SPICE1: variants seen among roughly 807,000 people sequenced by gnomAD.
SPICE1 encodes spindle and centriole associated protein 1.
A neutral mutation model predicts 102.7 loss-of-function variants in SPICE1; 75 were observed. That is an observed-to-expected ratio of 0.73 (90% confidence interval 0.61 to 0.88). The LOEUF (loss-of-function observed/expected upper bound fraction) is 0.88. SPICE1 is among the 40% of genes least tolerant of loss of function. The pLI is 0.00. For synonymous variants in SPICE1, 308 were observed against 350.3 expected, an observed-to-expected ratio of 0.88 and a Z score of 1.35; for missense variants, 979 against 1,020.1, an observed-to-expected ratio of 0.96 and a Z score of 0.55.
chr3:113,503,817 C>T (rs1489844387), intron 2 of SPICE1, among the ~76,000 whole-genome samples: 1 of 151,764 alleles, frequency 6.6e-6, no homozygotes, highest in Non-Finnish European at 1.5e-5. Flanking sequence ...CCTGTAATTC[C>T]AGCTACTCAG....
At chr3:113,452,910 AGAGGTT>A (rs1242165890) in intron 14 of SPICE1, among the ~76,000 whole-genome samples, 4 of 152,172 alleles carry the variant, frequency 2.6e-5, no homozygotes, top group Admixed American at 2.6e-4. Flanking sequence ...CCCGGGAGGC[AGAGGTT>A]GCAGTGAGCC....
At chr3:113,457,541 G>A (rs1935807826) in intron 12 of SPICE1, among the ~76,000 whole-genome samples, 184 bp from the exon 13 acceptor site, 1 of 152,158 alleles carries the variant, frequency 6.6e-6, no homozygotes, top group African/African-American at 2.4e-5. Context: ...AGGCTCCTGG[G>A]GGGCTAGTAC....
chr3:113,507,523 T>C (rs983102017), intron 1 of SPICE1, among the ~76,000 whole-genome samples: 1 of 152,118 alleles, frequency 6.6e-6, no homozygotes, highest in Non-Finnish European at 1.5e-5. Flanking sequence ...ATAATAAAAA[T>C]GTCTAAATAC....
At chr3:113,481,710 T>C (rs1936510739) in intron 7 of SPICE1, among the ~76,000 whole-genome samples, 1 of 152,188 alleles carries the variant, frequency 6.6e-6, no homozygotes, top group Non-Finnish European at 1.5e-5. Flanking sequence ...GAATTATGGT[T>C]TCCAGCTTCA....
chr3:113,457,420 G>T (rs1576623977), intron 12 of SPICE1, 63 bp from the exon 13 acceptor site: 1 of 1,521,676 alleles, frequency 6.6e-7, no homozygotes, highest in East Asian at 2.3e-5. Context: ...CACATTTCAG[G>T]TATTTATTCT....
intron 3 of SPICE1, among the ~76,000 whole-genome samples, chr3:113,500,435 T>A (rs187909373): frequency 6.6e-6 from 1 of 152,072 alleles, no homozygotes; most frequent in South Asian, 2.1e-4. Flanking sequence ...CTGAGGAGAT[T>A]TGAATATGGG....
intron 7 of SPICE1, among the ~76,000 whole-genome samples, chr3:113,479,273 A>G (rs1442329557): frequency 2.7e-5 from 4 of 150,390 alleles, no homozygotes; most frequent in African/African-American, 4.9e-5. Flanking sequence ...ATGATTTCCA[A>G]TTTCATCCAT....
rs1935470815 is a variant in SPICE1, at chr3:113,444,629, T to A, written c.*678A>T. The A allele has an allele frequency of 1.3e-5, 2 of 152,224 alleles. No individual in the cohort carries two copies. The highest frequency in any genetic ancestry group is 2.4e-5 in the African/African-American group (1 of 41,454). 9.4% of individuals were successfully genotyped at this position (152,224 alleles called of 1,614,324 possible). On this transcript the variant is annotated 3_prime_UTR_variant, in exon 18 of 18. Transcript: ENST00000295872. ...TACCATTAAATCAATGTTACCACAT[T>A]TAGGCATTTGAGCTCTAGAATCATA...
chr3:113,502,193 C>T (rs1466476966), intron 3 of SPICE1, among the ~76,000 whole-genome samples: 1 of 151,962 alleles, frequency 6.6e-6, no homozygotes, highest in Non-Finnish European at 1.5e-5. Context: ...CTGGGCAAGA[C>T]GGCAAAACCC....
intron 12 of SPICE1, chr3:113,459,420 TA>T: frequency 1.4e-5 from 13 of 926,556 alleles, no homozygotes; most frequent in Non-Finnish European, 1.5e-5. Flanking sequence ...CAATAAATAC[TA>T]AAAAAAATTA....
intron 14 of SPICE1, among the ~76,000 whole-genome samples, chr3:113,451,967 G>A (rs569034796): frequency 2.0e-5 from 3 of 151,996 alleles, no homozygotes; most frequent in East Asian, 3.9e-4. Context: ...GCCACCTCAC[G>A]AGCTTCTAAT....
chr3:113,489,403 A>C (rs923727481), intron 6 of SPICE1, among the ~76,000 whole-genome samples: 1 of 151,934 alleles, frequency 6.6e-6, no homozygotes. Flanking sequence ...CTCACTCACC[A>C]CCTATGCCCT....
intron 1 of SPICE1, among the ~76,000 whole-genome samples, chr3:113,513,549 T>C (rs1341236244): frequency 1.3e-5 from 2 of 152,222 alleles, no homozygotes; most frequent in South Asian, 2.1e-4. Flanking sequence ...TACTTGCTGA[T>C]ATATAACTGG....
At chr3:113,508,458 G>A (rs1937155799) in intron 1 of SPICE1, among the ~76,000 whole-genome samples, 2 of 152,056 alleles carry the variant, frequency 1.3e-5, no homozygotes, top group African/African-American at 4.8e-5. Context: ...ATGGGCATAG[G>A]ACTTGAATAG....
intron 1 of SPICE1, among the ~76,000 whole-genome samples, chr3:113,513,873 T>C (rs1158911955): frequency 6.6e-6 from 1 of 152,178 alleles, no homozygotes; most frequent in Non-Finnish European, 1.5e-5. Context: ...AACAAGAAAG[T>C]AGAATAGTCT....
intron 4 of SPICE1, 32 bp from the exon 5 acceptor site, chr3:113,494,174 T>C: frequency 1.4e-6 from 2 of 1,408,972 alleles, no homozygotes; most frequent in Middle Eastern, 1.8e-4. Context: ...ATATTATTAT[T>C]CAGATTATAT....
At chr3:113,487,280 A>T (rs1005040446) in intron 7 of SPICE1, among the ~76,000 whole-genome samples, 1 of 152,154 alleles carries the variant, frequency 6.6e-6, no homozygotes, top group Non-Finnish European at 1.5e-5. Flanking sequence ...GTGTTAAAGA[A>T]GAGTGATACA....
chr3:113,513,329 T>C (rs67211112), intron 1 of SPICE1, among the ~76,000 whole-genome samples: 32,131 of 152,108 alleles, frequency 0.21, 3,705 homozygotes, highest in African/African-American at 0.3. Flanking sequence ...GAGGACTGCT[T>C]GAGCCCAGGA....
intron 3 of SPICE1, among the ~76,000 whole-genome samples, chr3:113,500,773 T>C (rs1234804930): frequency 6.6e-6 from 1 of 152,170 alleles, no homozygotes; most frequent in Non-Finnish European, 1.5e-5. Context: ...GGCATAATTA[T>C]TATTCTCAGT....
Sources: gnomAD v4.1 joint callset for allele counts (sites outside exome capture counted in the v4.1 genomes callset) on GRCh38, gnomAD v4.1.1 for gene constraint, MANE v1.5 for transcripts, NCBI Gene and HGNC (gene_info 2026-07-23, HGNC 2026-07-21) for gene names.